The following IGSF21 variants were observed in gnomAD, a reference collection of about 807,000 sequenced individuals.
IGSF21 encodes the protein immunoglobulin superfamily member 21.
In IGSF21, 28 loss-of-function variants were observed where a neutral mutation model predicts 46.8. The ratio of observed to expected loss-of-function variants is 0.60; its 90% CI spans 0.44 to 0.82. The LOEUF is 0.82. Among genes scored for constraint, IGSF21 ranks in the 40% least tolerant of loss-of-function variants. The pLI is 0.00. For synonymous variants in IGSF21, 284 were observed against 273.6 expected (o/e 1.04, Z -0.38); for missense variants, 624 against 665.5 (o/e 0.94, Z 0.69).
chr1:18,260,895 G>A (rs1476952382), intron 2 of IGSF21, among the ~76,000 whole-genome samples: 5 of 152,214 alleles, frequency 3.3e-5, no homozygotes, highest in African/African-American at 1.2e-4. Context: ...GGCTAGTGGG[G>A]CCTTTTCCAC....
intron 2 of IGSF21, among the ~76,000 whole-genome samples, chr1:18,282,186 T>C (rs185165343): frequency 4.5e-4 from 67 of 148,776 alleles, no homozygotes; most frequent in Non-Finnish European, 8.6e-4. Context: ...GGACTGTGTA[T>C]CCGGTTGTGG....
chr1:18,311,971 C>G (rs1285004614), intron 3 of IGSF21, among the ~76,000 whole-genome samples: 1 of 152,216 alleles, frequency 6.6e-6, no homozygotes, highest in Non-Finnish European at 1.5e-5. Flanking sequence ...CCCTCTGGGT[C>G]TCTGCTCAGG....
At chr1:18,179,216 C>T (rs1264088963) in intron 1 of IGSF21, 1 of 152,192 alleles carries the variant, frequency 6.6e-6, no homozygotes, top group Non-Finnish European at 1.5e-5. Flanking sequence ...GCAGAGGCAA[C>T]ATCCAAGCAG....
At chr1:18,282,030 G>C (rs2124556664) in intron 2 of IGSF21, among the ~76,000 whole-genome samples, 1 of 152,248 alleles carries the variant, frequency 6.6e-6, no homozygotes, top group East Asian at 1.9e-4. Flanking sequence ...CCTTGGCTTT[G>C]CCTTGTGTAA....
chr1:18,211,938 G>T (rs2084396684), intron 1 of IGSF21, among the ~76,000 whole-genome samples: 1 of 152,230 alleles, frequency 6.6e-6, no homozygotes. Context: ...GCAGCCACTG[G>T]TGACTGCCCA....
intron 1 of IGSF21, among the ~76,000 whole-genome samples, chr1:18,214,956 G>T (rs1027761342): frequency 6.6e-6 from 1 of 152,168 alleles, no homozygotes; most frequent in African/African-American, 2.4e-5. Context: ...TGGGCAGGAT[G>T]GTCTTGATCT....
intron 1 of IGSF21, among the ~76,000 whole-genome samples, chr1:18,134,960 A>G (rs1003068566): frequency 1.1e-4 from 16 of 152,266 alleles, no homozygotes; most frequent in African/African-American, 3.9e-4. Flanking sequence ...GCTACTGAGC[A>G]TATGCTCACT....
intron 2 of IGSF21, among the ~76,000 whole-genome samples, chr1:18,231,681 T>C (rs1009810571): frequency 1.3e-5 from 2 of 152,206 alleles, no homozygotes; most frequent in African/African-American, 4.8e-5. Flanking sequence ...ACTAGCCACC[T>C]ATAGCTGGTG....
chr1:18,196,248 A>C (rs1169281502), intron 1 of IGSF21, among the ~76,000 whole-genome samples: 1 of 152,160 alleles, frequency 6.6e-6, no homozygotes, highest in Non-Finnish European at 1.5e-5. Flanking sequence ...ATAATCCCCG[A>C]GAAAGATGCC....
intron 4 of IGSF21, among the ~76,000 whole-genome samples, chr1:18,352,523 G>C (rs901249500): frequency 2.0e-5 from 3 of 152,186 alleles, no homozygotes; most frequent in Non-Finnish European, 2.9e-5. Context: ...AGAACCACCA[G>C]GTTAAGGGAC....
At chr1:18,303,080 G>C (rs1226708550) in intron 3 of IGSF21, among the ~76,000 whole-genome samples, 1 of 152,132 alleles carries the variant, frequency 6.6e-6, no homozygotes, top group Non-Finnish European at 1.5e-5. Context: ...CTTGCCTGGG[G>C]CCCCCAACCA....
intron 6 of IGSF21, among the ~76,000 whole-genome samples, chr1:18,372,305 T>C (rs1025668173): frequency 2.0e-5 from 3 of 152,230 alleles, no homozygotes; most frequent in Non-Finnish European, 4.4e-5. Flanking sequence ...TCAGGAAATA[T>C]AAGCTACTGT....
At position 18,307,312 on chromosome 1, in the gene IGSF21, C is replaced by T. The variant is rs79560482; in HGVS notation, c.305+15325C>T. Reference sequence around the variant, plus strand: ...TGGACCTCTGCTTCCCCCATGGGAGCGATGATATAGCAAGAGCCCTGAGAT... The same window carrying T: ...TGGACCTCTGCTTCCCCCATGGGAGTGATGATATAGCAAGAGCCCTGAGAT... On this transcript the variant is annotated intron_variant, in intron 3 of 9. Coordinates refer to ENST00000251296, the MANE Select transcript of IGSF21 (RefSeq NM_032880.5). Among the ~76,000 whole-genome samples, 1,382 of 152,240 alleles carry T rather than the reference C, an allele frequency of 9.1e-3. 21 individuals carry two copies. Among genetic ancestry groups the T allele is most frequent in the African/African-American group, 0.03 (1,262 of 41,542 alleles).
intron 1 of IGSF21, among the ~76,000 whole-genome samples, chr1:18,172,035 G>T (rs2086742050): frequency 6.6e-6 from 1 of 152,198 alleles, no homozygotes; most frequent in Non-Finnish European, 1.5e-5. Context: ...GCAGTTGAGG[G>T]CTGGAACCAC....
intron 6 of IGSF21, chr1:18,375,981 G>A: frequency 3.8e-6 from 1 of 260,778 alleles, no homozygotes; most frequent in South Asian, 4.7e-5. Flanking sequence ...GGGCCTCTCT[G>A]ATCTTGTCCC....
At chr1:18,343,845 C>T (rs2124614471) in intron 4 of IGSF21, among the ~76,000 whole-genome samples, 1 of 152,222 alleles carries the variant, frequency 6.6e-6, no homozygotes, top group East Asian at 1.9e-4. Flanking sequence ...AACCATCTGC[C>T]ACCTCCAGCC....
intron 1 of IGSF21, among the ~76,000 whole-genome samples, chr1:18,122,784 G>T (rs1245083730): frequency 6.6e-6 from 1 of 151,834 alleles, no homozygotes; most frequent in African/African-American, 2.4e-5. Flanking sequence ...CCACGCCCCA[G>T]CTAATTTTTT....
At chr1:18,127,347 T>C (rs1050770015) in intron 1 of IGSF21, among the ~76,000 whole-genome samples, 7 of 151,914 alleles carry the variant, frequency 4.6e-5, no homozygotes. Context: ...CTTCTCTAGA[T>C]TGGGTGGTCA....
At chr1:18,370,341 C>T (rs375500703) in intron 6 of IGSF21, among the ~76,000 whole-genome samples, 27 of 152,240 alleles carry the variant, frequency 1.8e-4, no homozygotes, top group African/African-American at 6.0e-4. Flanking sequence ...ACCCCCAAGG[C>T]GGTTCAATCA....
Sources: gnomAD v4.1 joint callset for allele counts (sites outside exome capture counted in the v4.1 genomes callset) on GRCh38, gnomAD v4.1.1 for gene constraint, MANE v1.5 for transcripts, NCBI Gene and HGNC (gene_info 2026-07-23, HGNC 2026-07-21) for gene names.